WWC2: variants seen among roughly 807,000 people sequenced by gnomAD.
WWC2 encodes WW and C2 domain containing 2.
In WWC2, 101 loss-of-function variants were observed where a neutral mutation model predicts 138.5. That is an observed-to-expected ratio of 0.73 (90% CI 0.62 to 0.86). The LOEUF is 0.86. Ranked by LOEUF, WWC2 falls within the 40% of genes least tolerant of loss-of-function variation. The probability of loss-of-function intolerance (pLI) is 0.00; values close to 1 mark genes in which losing one functional copy is unlikely to be tolerated. For missense variants in WWC2, 1,420 were observed against 1,419.4 expected (o/e 1.00, Z -0.01); for synonymous variants, 558 against 538.4 (o/e 1.04, Z -0.50).
chr4:183,239,841 G>A (rs1236158395), intron 4 of WWC2, among the ~76,000 whole-genome samples: 1 of 152,200 alleles, frequency 6.6e-6, no homozygotes, highest in Non-Finnish European at 1.5e-5. Flanking sequence ...CCTTGGCACA[G>A]TGAATGAAGG....
chr4:183,182,923 C>T (rs187089761), intron 1 of WWC2, among the ~76,000 whole-genome samples: 8 of 152,252 alleles, frequency 5.3e-5, no homozygotes, highest in Non-Finnish European at 8.8e-5. Context: ...ATGTAGTTGA[C>T]GTTTTCTTTC....
At chr4:183,174,788 CCTT>C (rs1261339510) in intron 1 of WWC2, among the ~76,000 whole-genome samples, 3 of 152,032 alleles carry the variant, frequency 2.0e-5, no homozygotes, top group Admixed American at 6.6e-5. Flanking sequence ...TCCTCCTTCT[CCTT>C]CTCCTTTCTC....
chr4:183,176,491 C>T (rs1193803415), intron 1 of WWC2, among the ~76,000 whole-genome samples: 2 of 152,188 alleles, frequency 1.3e-5, no homozygotes, highest in South Asian at 2.1e-4. Context: ...GGCACAATCT[C>T]GGCTCACTGC....
At chr4:183,298,445 A>G (rs1212255374) in intron 21 of WWC2, among the ~76,000 whole-genome samples, 3 of 152,180 alleles carry the variant, frequency 2.0e-5, no homozygotes, top group Non-Finnish European at 4.4e-5. Flanking sequence ...TTAGGGTCCA[A>G]GTGAAAAGAG....
intron 4 of WWC2, among the ~76,000 whole-genome samples, chr4:183,220,086 A>G (rs887456070): frequency 1.5e-4 from 23 of 152,182 alleles, no homozygotes; most frequent in African/African-American, 5.6e-4. Context: ...CATGGGAAGA[A>G]ACTGAGAGCA....
chr4:183,126,920 A>G (rs1461410238), intron 1 of WWC2, among the ~76,000 whole-genome samples: 2 of 143,538 alleles, frequency 1.4e-5, no homozygotes, highest in Non-Finnish European at 3.0e-5. Flanking sequence ...TTTTTTAAAG[A>G]GAGATAGAGT....
intron 9 of WWC2, among the ~76,000 whole-genome samples, chr4:183,257,375 A>G (rs1737183509): frequency 6.6e-6 from 1 of 152,168 alleles, no homozygotes; most frequent in Admixed American, 6.5e-5. Context: ...GTTCAGGAGA[A>G]ACCAGGCTGT....
At chr4:183,110,980 C>T (rs2152887539) in intron 1 of WWC2, among the ~76,000 whole-genome samples, 1 of 152,226 alleles carries the variant, frequency 6.6e-6, no homozygotes, top group African/African-American at 2.4e-5. Context: ...TGGCTCACGC[C>T]TGTAATCCTA....
intron 1 of WWC2, among the ~76,000 whole-genome samples, chr4:183,109,707 G>T (rs1732165970): frequency 6.6e-6 from 1 of 152,172 alleles, no homozygotes; most frequent in Non-Finnish European, 1.5e-5. Context: ...TTCCTAACAG[G>T]CCATTGACCG....
chr4:183,248,974 C>T (rs1736885643), intron 7 of WWC2, 114 bp downstream of exon 7: 3 of 1,050,438 alleles, frequency 2.9e-6, no homozygotes, highest in African/African-American at 3.2e-5. Flanking sequence ...TGGCTGTGTG[C>T]ATTCAGTGTT....
chr4:183,293,873 G>A (rs140778388), intron 21 of WWC2, among the ~76,000 whole-genome samples: 14 of 152,074 alleles, frequency 9.2e-5, no homozygotes, highest in African/African-American at 2.9e-4. Context: ...AAAATAAACC[G>A]TACAGTATAG....
chr4:183,288,049 G>C (rs759867685), intron 20 of WWC2, among the ~76,000 whole-genome samples: 1 of 152,184 alleles, frequency 6.6e-6, no homozygotes, highest in Non-Finnish European at 1.5e-5. Context: ...ATTCCAAAAA[G>C]TAAGTAATAC....
In WWC2 at chr4:183,282,780, C is replaced by A; in HGVS notation, c.2757C>A (p.Asp919Glu). 1 of 1,582,390 alleles carries A rather than the reference C, an allele frequency of 6.3e-7. No individual in the cohort carries two copies. The part of the protein sequence containing the change: ...EKEAEVKLPE[D>E]SSCTEDLSSC... Reference sequence around the variant, plus strand: ...AGGCTGAAGTTAAATTGCCAGAGGACAGTAGCTGTACAGAAGATTTAAGTT... The same window carrying A: ...AGGCTGAAGTTAAATTGCCAGAGGAAAGTAGCTGTACAGAAGATTTAAGTT... The change falls in exon 18 of 23, where the codon GAC becomes GAA. Residue 919 changes from aspartate (D) to glutamate (E), a missense_variant. By Grantham distance (45) the Asp-to-Glu change is conservative. Coordinates refer to ENST00000403733, the MANE Select transcript of WWC2 (RefSeq NM_024949.6).
intron 21 of WWC2, 133 bp downstream of exon 21, chr4:183,289,768 T>C (rs367676510): frequency 4.1e-5 from 57 of 1,392,126 alleles, no homozygotes; most frequent in Non-Finnish European, 5.4e-5. Context: ...TTGGAACATA[T>C]TTTTCCCACT....
intron 21 of WWC2, among the ~76,000 whole-genome samples, chr4:183,294,834 G>A (rs1182669003): frequency 6.6e-6 from 1 of 152,028 alleles, no homozygotes; most frequent in African/African-American, 2.4e-5. Context: ...TTCAAGGTTT[G>A]GGGGCTGATA....
intron 1 of WWC2, among the ~76,000 whole-genome samples, chr4:183,174,948 G>A (rs773920474): frequency 5.3e-5 from 8 of 151,598 alleles, no homozygotes; most frequent in African/African-American, 1.2e-4. Flanking sequence ...ATTATGACCC[G>A]TCACTCCTAA....
rs544893593 is a variant in WWC2 at position 183,190,015 on chromosome 4, A to G, written c.132-3584A>G. On this transcript the variant is annotated intron_variant, in intron 1 of 22. Transcript: ENST00000403733. ...AATACCACACAGAGTTAAATTTTGC[A>G]TATAAACGTTGGCAAAGTGCTGCAG... Among the ~76,000 whole-genome samples the G allele has an allele frequency of 6.6e-5, 10 of 152,360 alleles. No homozygotes were observed. In the South Asian group the frequency reaches 1.9e-3, roughly 28 times the overall value.
intron 1 of WWC2, among the ~76,000 whole-genome samples, chr4:183,153,555 A>G (rs1733704751): frequency 6.6e-6 from 1 of 152,200 alleles, no homozygotes; most frequent in Non-Finnish European, 1.5e-5. Context: ...TATTGTTATT[A>G]AAGAAAAATA....
chr4:183,256,176 C>T (rs11944764), intron 9 of WWC2, among the ~76,000 whole-genome samples: 54,858 of 151,914 alleles, frequency 0.36, 10,009 homozygotes, highest in South Asian at 0.48. Context: ...ATACTAGTTT[C>T]CTTATCAGTG....
Sources: allele counts gnomAD v4.1 joint callset (sites outside exome capture counted in the v4.1 genomes callset), GRCh38; gene constraint gnomAD v4.1.1; transcripts MANE v1.5; gene names NCBI Gene and HGNC (gene_info 2026-07-23, HGNC 2026-07-21).